The following SPATA6 variants were observed in gnomAD, a reference collection of about 807,000 sequenced individuals.
SPATA6 encodes the protein spermatogenesis associated 6, also known as spermatogenesis-associated protein 6.
Under a neutral mutation model 65.3 loss-of-function variants are expected in SPATA6, and 56 were observed. That is an observed-to-expected ratio of 0.86 (90% CI 0.69 to 1.07). The LOEUF is 1.07. SPATA6 is among the 50% of genes least tolerant of loss of function. The pLI, the probability that SPATA6 is intolerant of heterozygous loss-of-function variation, is 0.00. For synonymous variants in SPATA6, 199 were observed against 213.2 expected (o/e 0.93, Z 0.58); for missense variants, 590 against 594.8 (o/e 0.99, Z 0.08).
At chr1:48,384,457 CACTT>C (rs1292041193) in intron 9 of SPATA6, among the ~76,000 whole-genome samples, 1 of 139,808 alleles carries the variant, frequency 7.2e-6, no homozygotes, top group African/African-American at 2.7e-5. Flanking sequence ...CATATAATAA[CACTT>C]ACTATCAAGA....
chr1:48,471,930 G>A, intron 1 of SPATA6, 28 bp downstream of exon 1: 1 of 1,608,878 alleles, frequency 6.2e-7, no homozygotes, highest in East Asian at 2.2e-5. Flanking sequence ...GCCAATGCCC[G>A]GGGGTGGGAG....
downstream of SPATA6, among the ~76,000 whole-genome samples, chr1:48,292,261 G>A (rs187578623): frequency 2.0e-5 from 3 of 152,348 alleles, no homozygotes; most frequent in South Asian, 2.1e-4. Context: ...CTAATGGCAT[G>A]TGAGATGCCA....
chr1:48,412,518 G>A lies in SPATA6; in HGVS notation c.280+592C>T, dbSNP rs530612589. Among the ~76,000 whole-genome samples, 16 of 152,272 alleles carry A rather than the reference G, an allele frequency of 1.1e-4. 1 individual carries two copies. In the South Asian group the frequency reaches 3.3e-3, roughly 32 times the overall value. On this transcript the variant is annotated intron_variant, in intron 4 of 12. Coordinates refer to ENST00000371847, the MANE Select transcript of SPATA6 (RefSeq NM_019073.4). ...AACAATGTATTAAAGTGACATTTAT[G>A]ACAATCTTTCTGTATATATTATTTT...
At chr1:48,315,790 C>G (rs1455542608) in intron 11 of SPATA6, among the ~76,000 whole-genome samples, 3 of 152,036 alleles carry the variant, frequency 2.0e-5, no homozygotes, top group South Asian at 2.1e-4. Flanking sequence ...TCTAGAAAAC[C>G]CCATCATCTC....
Position 48,369,015 on chromosome 1 carries a change from C to A in SPATA6, c.910-9245G>T, listed in dbSNP as rs139407805. Among the ~76,000 whole-genome samples the A allele has an allele frequency of 4.9e-3, 750 of 152,310 alleles. 5 individuals carry two copies. Among genetic ancestry groups the A allele is most frequent in the African/African-American group, 0.017 (724 of 41,566 alleles). ...GTTTGTTAGTTTTCCTTCTGACAGA[C>A]AGGACCCTCAGCTGCAGGTCTGTTG... On this transcript the variant is annotated intron_variant, in intron 9 of 12. Coordinates refer to ENST00000371847, the MANE Select transcript of SPATA6 (RefSeq NM_019073.4).
intron 1 of SPATA6, among the ~76,000 whole-genome samples, chr1:48,470,409 G>C (rs1262943736): frequency 6.6e-6 from 1 of 152,180 alleles, no homozygotes; most frequent in Non-Finnish European, 1.5e-5. Flanking sequence ...AAGGGATCGA[G>C]AAAGTTTCGT....
chr1:48,441,116 G>A (rs1245716242), intron 3 of SPATA6, among the ~76,000 whole-genome samples: 1 of 152,124 alleles, frequency 6.6e-6, no homozygotes, highest in Non-Finnish European at 1.5e-5. Context: ...TCACTGGAAG[G>A]CACACTGCCC....
chr1:48,266,352 G>A, the SPATA6 span, among the ~76,000 whole-genome samples: 1 of 152,072 alleles, frequency 6.6e-6, no homozygotes, highest in East Asian at 1.9e-4. Flanking sequence ...ACATTTGAAT[G>A]TAAGTCCTAG....
In SPATA6 at chr1:48,359,694, C is replaced by A. The variant is rs377022864; in HGVS notation, c.986G>T (p.Cys329Phe). 4 of 1,613,628 alleles carry A rather than the reference C, an allele frequency of 2.5e-6. No individual in the cohort carries two copies. The African/African-American group carries it at 4.0e-5, about 16-fold the overall frequency. Reference sequence around the variant, plus strand: ...CCTCGCTGAATGCCGGGGCTTACTACACGACCTTGGGCTCAAATACTCTTC... The same window carrying A: ...CCTCGCTGAATGCCGGGGCTTACTAAACGACCTTGGGCTCAAATACTCTTC... ...KCEEYLSPRS[C>F]SKPRHSARTL... Residue 329 changes from cysteine (C) to phenylalanine (F), a missense_variant, in exon 10 of 13, where the codon TGT becomes TTT. Physicochemically the swap from Cys to Phe is radical, Grantham distance 205. Coordinates refer to ENST00000371847, the MANE Select transcript of SPATA6 (RefSeq NM_019073.4).
intron 11 of SPATA6, among the ~76,000 whole-genome samples, chr1:48,333,273 C>G (rs1227421181): frequency 6.6e-6 from 1 of 152,206 alleles, no homozygotes; most frequent in Admixed American, 6.5e-5. Context: ...TGCTTCCTGT[C>G]CTCAAACATC....
intron 3 of SPATA6, among the ~76,000 whole-genome samples, chr1:48,441,118 A>C (rs775052589): frequency 6.7e-6 from 1 of 149,540 alleles, no homozygotes; most frequent in Non-Finnish European, 1.5e-5. Context: ...ACTGGAAGGC[A>C]CACTGCCCCA....
At chr1:48,305,448 T>A (rs1189414766) in intron 12 of SPATA6, among the ~76,000 whole-genome samples, 1 of 152,154 alleles carries the variant, frequency 6.6e-6, no homozygotes, top group Non-Finnish European at 1.5e-5. Context: ...TAGAATTTGC[T>A]CTTACAGAAT....
At chr1:48,347,479 ATT>A (rs1015609240) in intron 11 of SPATA6, among the ~76,000 whole-genome samples, 2 of 146,358 alleles carry the variant, frequency 1.4e-5, no homozygotes, top group Non-Finnish European at 3.0e-5. Context: ...TAATATATAT[ATT>A]ATTAATGTAT....
At chr1:48,385,185 T>C (rs1344684833) in intron 9 of SPATA6, 124 bp downstream of exon 9, 4 of 839,708 alleles carry the variant, frequency 4.8e-6, no homozygotes, top group African/African-American at 1.8e-5. Context: ...ATGACAATTA[T>C]TGTTTTTACA....
At chr1:48,315,388 A>G (rs1645379194) in intron 11 of SPATA6, among the ~76,000 whole-genome samples, 1 of 152,212 alleles carries the variant, frequency 6.6e-6, no homozygotes, top group African/African-American at 2.4e-5. Context: ...GGTTCAACAT[A>G]CACAAATCAA....
chr1:48,352,505 G>C (rs138038592), intron 11 of SPATA6, among the ~76,000 whole-genome samples: 273 of 151,946 alleles, frequency 1.8e-3, no homozygotes, highest in Middle Eastern at 0.017. Context: ...GATTAGCAAA[G>C]AACAGTTTAA....
At chr1:48,370,355 C>G (rs993562562) in intron 9 of SPATA6, among the ~76,000 whole-genome samples, 1 of 152,096 alleles carries the variant, frequency 6.6e-6, no homozygotes, top group African/African-American at 2.4e-5. Context: ...TGCAGGATGG[C>G]CAGAGGAAAG....
chr1:48,421,080 GTA>G (rs1386934768), intron 3 of SPATA6, among the ~76,000 whole-genome samples: 1 of 152,122 alleles, frequency 6.6e-6, no homozygotes, highest in Non-Finnish European at 1.5e-5. Flanking sequence ...TGATTGATGA[GTA>G]CAAGATTACA....
intron 7 of SPATA6, among the ~76,000 whole-genome samples, chr1:48,397,051 T>C (rs1650661364): frequency 1.3e-5 from 2 of 151,652 alleles, no homozygotes; most frequent in Admixed American, 6.6e-5. Context: ...AGTACTGATA[T>C]ATGCAACATG....
Sources: gnomAD v4.1 joint callset for allele counts (sites outside exome capture counted in the v4.1 genomes callset) on GRCh38, gnomAD v4.1.1 for gene constraint, MANE v1.5 for transcripts, NCBI Gene and HGNC (gene_info 2026-07-23, HGNC 2026-07-21) for gene names.